The following SCMH1 variants were observed in gnomAD, a reference collection of about 807,000 sequenced individuals.
The protein encoded by SCMH1 is Scm polycomb group protein homolog 1.
A neutral mutation model predicts 70.8 loss-of-function variants in SCMH1; 37 were observed. The observed-to-expected ratio is 0.52, with a 90% CI of 0.40 to 0.69. SCMH1 has a LOEUF of 0.69. Ranked by LOEUF, SCMH1 falls within the 30% of genes least tolerant of loss-of-function variation. SCMH1 has a pLI of 0.00. For synonymous variants in SCMH1, 292 were observed against 307.4 expected, an observed-to-expected ratio of 0.95 and a Z score of 0.52; for missense variants, 607 against 827.3, an observed-to-expected ratio of 0.73 and a Z score of 3.27.
chr1:41,062,918 C>CAAAA (rs61144004), intron 10 of SCMH1, among the ~76,000 whole-genome samples: 1 of 109,872 alleles, frequency 9.1e-6, no homozygotes, highest in African/African-American at 3.6e-5. Flanking sequence ...GACTCCATCT[C>CAAAA]AAAAAAAAAA....
chr1:41,161,587 T>C (rs1646036677), intron 2 of SCMH1, 155 bp from the exon 3 acceptor site: 1 of 821,564 alleles, frequency 1.2e-6, no homozygotes, highest in East Asian at 3.1e-5. Flanking sequence ...AAAAAGGTTT[T>C]ATGTAAAAAG....
intron 1 of SCMH1, among the ~76,000 whole-genome samples, chr1:41,217,326 T>G (rs35286837): frequency 0.11 from 16,460 of 152,106 alleles, 1,265 homozygotes; most frequent in East Asian, 0.27. Flanking sequence ...CTAAGCAAAG[T>G]GTGGAAGTAT....
At chr1:41,160,842 T>C in intron 4 of SCMH1, 33 bp downstream of exon 4, 1 of 1,543,292 alleles carries the variant, frequency 6.5e-7, no homozygotes, top group Non-Finnish European at 8.8e-7. Flanking sequence ...CCAATTCCCC[T>C]TATTTAACAG....
chr1:41,082,323 G>A (rs892798977), intron 8 of SCMH1, among the ~76,000 whole-genome samples: 3 of 152,050 alleles, frequency 2.0e-5, no homozygotes, highest in African/African-American at 4.8e-5. Context: ...GAGAAAGGTC[G>A]GGTTACCCAC....
At chr1:41,081,237 A>G (rs1002365244) in intron 8 of SCMH1, among the ~76,000 whole-genome samples, 1 of 152,262 alleles carries the variant, frequency 6.6e-6, no homozygotes, top group Non-Finnish European at 1.5e-5. Flanking sequence ...AGATCTAGAT[A>G]TCACATGGCC....
exon 2 of SCMH1, chr1:41,186,173 T>G (rs752719662): frequency 3.6e-5 from 44 of 1,214,338 alleles, no homozygotes; most frequent in Admixed American, 5.9e-5. Flanking sequence ...TTAAGAAGTT[T>G]GGGATTTATC....
At chr1:41,050,845 G>GT (rs1392107490) in intron 10 of SCMH1, among the ~76,000 whole-genome samples, 1 of 152,112 alleles carries the variant, frequency 6.6e-6, no homozygotes. Context: ...GCCTCTGGAG[G>GT]TGAGTGTGAG....
chr1:41,240,943 G>A (rs1392270058), intron 1 of SCMH1, among the ~76,000 whole-genome samples: 1 of 152,090 alleles, frequency 6.6e-6, no homozygotes, highest in Non-Finnish European at 1.5e-5. Flanking sequence ...ACAGTTTAGA[G>A]AACCACAGCA....
At chr1:41,231,446 A>C (rs1268057269) in intron 1 of SCMH1, among the ~76,000 whole-genome samples, 2 of 152,230 alleles carry the variant, frequency 1.3e-5, no homozygotes, top group East Asian at 1.9e-4. Flanking sequence ...AAAACTGCAG[A>C]TAGCTCCCAT....
intron 8 of SCMH1, among the ~76,000 whole-genome samples, chr1:41,108,309 G>T (rs1056809137): frequency 6.6e-6 from 1 of 152,176 alleles, no homozygotes; most frequent in Admixed American, 6.5e-5. Flanking sequence ...GTCTCATGTT[G>T]TCTCGCTGCT....
intron 6 of SCMH1, among the ~76,000 whole-genome samples, chr1:41,124,507 AAG>A (rs1419705293): frequency 1.5e-5 from 1 of 68,594 alleles, no homozygotes; most frequent in Non-Finnish European, 2.6e-5. Flanking sequence ...GACATTTTTG[AAG>A]AGTCTGGATT....
intron 1 of SCMH1, among the ~76,000 whole-genome samples, chr1:41,203,182 C>T (rs1004516588): frequency 6.6e-6 from 1 of 151,950 alleles, no homozygotes; most frequent in Non-Finnish European, 1.5e-5. Flanking sequence ...TTATAGCTTA[C>T]CTCAATTCAG....
At chr1:41,155,789 C>T (rs1645473173) in intron 4 of SCMH1, among the ~76,000 whole-genome samples, 1 of 151,918 alleles carries the variant, frequency 6.6e-6, no homozygotes, top group African/African-American at 2.4e-5. Flanking sequence ...CAAGACCAGC[C>T]TGGCCAACAT....
rs185181891 is a variant in SCMH1 at position 41,198,718 on chromosome 1, T to A, written c.-117-12468A>T. On this transcript the variant is annotated intron_variant, in intron 1 of 14. Coordinates refer to ENST00000337495, the Ensembl canonical transcript of SCMH1. ...CCCACCACACTATAATTGGATTGCA[T>A]TAAAAGTGCAAGAAATAACAGAATA... Among the ~76,000 whole-genome samples, 280 of 152,272 alleles carry A rather than the reference T, an allele frequency of 1.8e-3. 1 individual carries two copies. Among genetic ancestry groups the A allele is most frequent in the Non-Finnish European group, 2.9e-3 (197 of 68,026 alleles).
At chr1:41,159,504 C>T (rs1474965549) in intron 4 of SCMH1, among the ~76,000 whole-genome samples, 1 of 152,144 alleles carries the variant, frequency 6.6e-6, no homozygotes, top group Non-Finnish European at 1.5e-5. Flanking sequence ...GTAGGTTTTA[C>T]TCCCATTTTA....
At chr1:41,092,054 C>T (rs1297935011) in intron 8 of SCMH1, among the ~76,000 whole-genome samples, 3 of 152,108 alleles carry the variant, frequency 2.0e-5, no homozygotes, top group Non-Finnish European at 2.9e-5. Flanking sequence ...AAAAAGAGCC[C>T]GCATTGCCAA....
intron 10 of SCMH1, among the ~76,000 whole-genome samples, chr1:41,054,038 G>T (rs576905377): frequency 1.3e-5 from 2 of 152,136 alleles, no homozygotes; most frequent in Non-Finnish European, 2.9e-5. Flanking sequence ...TAGAGACGGG[G>T]TTTCACCGTG....
At chr1:41,128,252 C>A (rs960979073) in intron 6 of SCMH1, among the ~76,000 whole-genome samples, 10 of 152,176 alleles carry the variant, frequency 6.6e-5, no homozygotes, top group Admixed American at 5.9e-4. Flanking sequence ...TATTTACCTA[C>A]AAATTTTCCT....
chr1:41,093,071 C>T (rs111512248), intron 8 of SCMH1, among the ~76,000 whole-genome samples: 8 of 152,208 alleles, frequency 5.3e-5, no homozygotes, highest in Admixed American at 2.0e-4. Context: ...GACACACGCA[C>T]ACATATGTTT....
Sources: gnomAD v4.1 joint callset for allele counts (sites outside exome capture counted in the v4.1 genomes callset) on GRCh38, gnomAD v4.1.1 for gene constraint, MANE v1.5 for transcripts, NCBI Gene and HGNC (gene_info 2026-07-23, HGNC 2026-07-21) for gene names.